SIPA1L2: variants seen among roughly 807,000 people sequenced by gnomAD.
The protein encoded by SIPA1L2 is signal-induced proliferation-associated 1-like protein 2.
SIPA1L2 carries 56 observed loss-of-function variants against 163.9 expected under a neutral mutation model. That is an observed-to-expected ratio of 0.34 (90% CI 0.28 to 0.43). SIPA1L2 has a LOEUF of 0.43. Ranked by LOEUF, SIPA1L2 falls within the 20% of genes least tolerant of loss-of-function variation. The probability of loss-of-function intolerance (pLI) is 1.00; values close to 1 mark genes in which losing one functional copy is unlikely to be tolerated. For missense variants in SIPA1L2, 1,974 were observed against 2,193.5 expected (o/e 0.90, Z 2.00); for synonymous variants, 877 against 865.7 (o/e 1.01, Z -0.23).
chr1:232,402,448 C>T lies in SIPA1L2; in HGVS notation c.4966G>A (p.Gly1656Arg), dbSNP rs763292173. The T allele has an allele frequency of 1.4e-5, 23 of 1,613,260 alleles. No homozygotes were observed. The highest frequency in any genetic ancestry group is 4.0e-5 in the African/African-American group (3 of 74,868). ...ATTAATTCCAGCTGATTGACTTTCC[C>T]GGTCAGTGGTGATGGAGAACGCTCC... ...TGERSPSPLT[G>R]KVNQLELILR... Residue 1656 changes from glycine (G) to arginine (R), a missense_variant, in exon 22 of 23, where the codon GGG becomes AGG. Gly to Arg is a moderately radical substitution (Grantham distance 125). This residue lies in a region of SIPA1L2 where 1,079 missense variants were observed against 1,150.7 expected (regional missense o/e 0.94). Transcript: ENST00000674635.
rs754024215 is a variant in SIPA1L2, at chr1:232,443,699, T to C, written c.3354-14A>G. The stretch of plus-strand genomic sequence containing the variant: ...CTGGGTGAGCTTCTGAAAGGTTGAG[T>C]AGAATCATTAACAGGGCACTGAACT... On this transcript the variant is annotated splice_polypyrimidine_tract_variant and intron_variant, in intron 11 of 22. Coordinates refer to ENST00000674635, the MANE Select transcript of SIPA1L2 (RefSeq NM_020808.5). 16 of 1,604,330 alleles carry C rather than the reference T, an allele frequency of 1.0e-5. No homozygotes were observed. Among genetic ancestry groups the C allele is most frequent in the Non-Finnish European group, 1.4e-5 (16 of 1,175,228 alleles).
At chr1:232,527,433 T>C (rs1293110757) in intron 2 of SIPA1L2, among the ~76,000 whole-genome samples, 1 of 152,202 alleles carries the variant, frequency 6.6e-6, no homozygotes, top group Non-Finnish European at 1.5e-5. Flanking sequence ...TTTAATTCAC[T>C]AGGCACAGGG....
intron 8 of SIPA1L2, among the ~76,000 whole-genome samples, chr1:232,466,484 C>A (rs1304530262): frequency 6.6e-6 from 1 of 152,102 alleles, no homozygotes; most frequent in Non-Finnish European, 1.5e-5. Flanking sequence ...ATACAGTGGA[C>A]TAATGAATTA....
rs1297654682 is a variant in SIPA1L2, at chr1:232,465,004, T to C, written c.2656A>G (p.Lys886Glu). ...TTGAATACAACATTCTTGGAATCCT[T>C]TTCAATCAACATGATGAACTCATTG... ...ISNEFIMLIE[K>E]DSKNVVFNCS... Residue 886 changes from lysine (K) to glutamate (E), a missense_variant, in exon 9 of 23, where the codon AAG becomes GAG. By Grantham distance (56) the Lys-to-Glu change is moderately conservative (BLOSUM62 1). Coordinates refer to ENST00000674635, the MANE Select transcript of SIPA1L2 (RefSeq NM_020808.5). This position sits in a 1 kb window ranked among gnomAD's most constrained non-coding sequence, Gnocchi z 4.1. 2 of 1,614,082 alleles carry C rather than the reference T, an allele frequency of 1.2e-6. No individual in the cohort carries two copies. Among genetic ancestry groups the C allele is most frequent in the African/African-American group, 2.7e-5 (2 of 74,928 alleles).
In SIPA1L2 at chr1:232,620,483, C is replaced by T. The variant is rs1055094646; in HGVS notation, c.-319+9386G>A. Among the ~76,000 whole-genome samples the T allele has an allele frequency of 4.6e-5, 7 of 152,206 alleles. No individual in the cohort carries two copies. The South Asian group carries it at 1.4e-3, about 31-fold the overall frequency. ...CTTGAAACTCTCCTAGGGCCTTGTT[C>T]CTCATTCCATGCACATATCCTGTGC... is the stretch of plus-strand genomic sequence containing the variant. On this transcript the variant is annotated intron_variant, in intron 1 of 22. Transcript: ENST00000674635.
chr1:232,569,293 G>GTT, intron 2 of SIPA1L2, among the ~76,000 whole-genome samples: 1 of 152,304 alleles, frequency 6.6e-6, no homozygotes, highest in East Asian at 1.9e-4. Flanking sequence ...ATCTAAACAT[G>GTT]TTATATATAG....
At position 232,514,646 on chromosome 1, in the gene SIPA1L2, C is replaced by G; in HGVS notation, c.694G>C (p.Glu232Gln). The G allele has an allele frequency of 6.2e-7, 1 of 1,614,192 alleles. No individual in the cohort carries two copies. The highest frequency in any genetic ancestry group is 1.1e-5 in the South Asian group (1 of 91,082). ...HKAMVPFGFP[E>Q]FFRCDPAISP... is the part of the protein sequence containing the mutation. ...ATTGCAGGGTCACAGCGGAAAAATT[C>G]AGGGAACCCAAAAGGGACCATTGCT... The change falls in exon 3 of 23, where the codon GAA becomes CAA. Residue 232 changes from glutamate (E) to glutamine (Q), a missense_variant. This residue lies in a region of SIPA1L2 where 607 missense variants were observed against 624.0 expected (regional missense o/e 0.97). Transcript: ENST00000674635.
At chr1:232,446,336 C>T (rs1163079691) in intron 10 of SIPA1L2, among the ~76,000 whole-genome samples, 3 of 152,184 alleles carry the variant, frequency 2.0e-5, no homozygotes, top group Non-Finnish European at 4.4e-5. Flanking sequence ...GCCTCTGGTC[C>T]TCACATCCAC....
intron 2 of SIPA1L2, among the ~76,000 whole-genome samples, chr1:232,556,034 T>C (rs1318805109): frequency 6.6e-6 from 1 of 152,204 alleles, no homozygotes; most frequent in East Asian, 1.9e-4. Flanking sequence ...CATGAAGAGC[T>C]AACACAGGAT....
intron 2 of SIPA1L2, among the ~76,000 whole-genome samples, chr1:232,526,180 A>C (rs562045151): frequency 8.5e-5 from 13 of 152,332 alleles, no homozygotes; most frequent in South Asian, 2.1e-4. Flanking sequence ...AACGCCAGTT[A>C]AAGTGGACTG....
chr1:232,531,080 G>A (rs1168790311), intron 2 of SIPA1L2, among the ~76,000 whole-genome samples: 1 of 152,194 alleles, frequency 6.6e-6, no homozygotes, highest in African/African-American at 2.4e-5. Flanking sequence ...TGAGCATTCT[G>A]TAGGTGCCAA....
intron 2 of SIPA1L2, among the ~76,000 whole-genome samples, chr1:232,533,834 T>C (rs1657130686): frequency 6.6e-6 from 1 of 152,112 alleles, no homozygotes; most frequent in African/African-American, 2.4e-5. Context: ...AAGAATCCAG[T>C]AGCAAGTCTG....
At chr1:232,409,522 T>C (rs1248398846) in intron 19 of SIPA1L2, among the ~76,000 whole-genome samples, 1 of 152,232 alleles carries the variant, frequency 6.6e-6, no homozygotes. Context: ...TGTGAACTAC[T>C]TTGGCCTAAA....
chr1:232,505,179 G>T (rs1032192624), intron 3 of SIPA1L2, among the ~76,000 whole-genome samples: 1 of 152,192 alleles, frequency 6.6e-6, no homozygotes, highest in Non-Finnish European at 1.5e-5. Context: ...AAAACACTAG[G>T]AAAGTATGAA....
chr1:232,545,048 G>A (rs1009648461), intron 2 of SIPA1L2, among the ~76,000 whole-genome samples: 2 of 152,100 alleles, frequency 1.3e-5, no homozygotes, highest in Non-Finnish European at 2.9e-5. Context: ...CAGGCAAAGC[G>A]GTGGATGGTT....
intron 1 of SIPA1L2, among the ~76,000 whole-genome samples, chr1:232,605,648 C>T (rs1011953270): frequency 9.2e-5 from 14 of 152,124 alleles, no homozygotes; most frequent in African/African-American, 3.1e-4. Flanking sequence ...GAGCCAAGAT[C>T]GCGCCACTGC....
At chr1:232,625,522 C>T (rs1420968392) in intron 1 of SIPA1L2, among the ~76,000 whole-genome samples, 1 of 152,126 alleles carries the variant, frequency 6.6e-6, no homozygotes, top group East Asian at 1.9e-4. Context: ...ATTAACGGCT[C>T]GGCAGGTTTT....
Position 232,564,235 on chromosome 1 carries a change from CGTGTGTGTGTGTGT to C in SIPA1L2, c.-270+9925_-270+9938del, listed in dbSNP as rs59088753. 1.1e-3 allele frequency among the ~76,000 whole-genome samples: 34 copies of C among 29,698 alleles called. 2 individuals carry two copies. The highest frequency in any genetic ancestry group is 4.3e-3 in the South Asian group (2 of 462). 19.5% of individuals were successfully genotyped at this position (29,698 alleles called of 152,430 possible). The stretch of plus-strand genomic sequence containing the variant: ...GAACGACAAAGGTTTTTTTTTTTTT[CGTGTGTGTGTGTGT>C]GTGTGTGTGTGTGTGTGTGTGTGTG... On this transcript the variant is annotated intron_variant, in intron 2 of 22. Coordinates refer to ENST00000674635, the MANE Select transcript of SIPA1L2 (RefSeq NM_020808.5).
chr1:232,588,891 G>C (rs1240254995), intron 1 of SIPA1L2, among the ~76,000 whole-genome samples: 2 of 152,138 alleles, frequency 1.3e-5, no homozygotes, highest in Admixed American at 1.3e-4. Context: ...TTAACATACA[G>C]GTGGTTATAT....
Sources: allele counts gnomAD v4.1 joint callset (sites outside exome capture counted in the v4.1 genomes callset), GRCh38; gene constraint gnomAD v4.1.1; regional missense constraint gnomAD v4.1.1; non-coding constraint Gnocchi (gnomAD v3.1); transcripts MANE v1.5; gene names NCBI Gene and HGNC (gene_info 2026-07-23, HGNC 2026-07-21).